The following DLGAP4 variants were observed in gnomAD, a reference collection of about 807,000 sequenced individuals.
DLGAP4 encodes disks large-associated protein 4.
In DLGAP4, 18 loss-of-function variants were observed where a neutral mutation model predicts 86.9. That is an observed-to-expected ratio of 0.21 (90% CI 0.14 to 0.31). DLGAP4 has a LOEUF of 0.31. Ranked by LOEUF, DLGAP4 falls within the 10% of genes least tolerant of loss-of-function variation. The pLI, the probability that DLGAP4 is intolerant of heterozygous loss-of-function variation, is 1.00. For synonymous variants in DLGAP4, 548 were observed against 574.3 expected, an observed-to-expected ratio of 0.95 and a Z score of 0.65; for missense variants, 1,085 against 1,362.6, an observed-to-expected ratio of 0.80 and a Z score of 3.21.
intron 2 of DLGAP4, among the ~76,000 whole-genome samples, chr20:36,409,869 T>TA (rs2032444108): frequency 6.7e-6 from 1 of 149,024 alleles, no homozygotes; most frequent in South Asian, 2.1e-4. Context: ...CCGTCTCTAC[T>TA]AAAAATACAA....
At chr20:36,453,934 CA>C (rs1194294335) in intron 7 of DLGAP4, among the ~76,000 whole-genome samples, 394 of 42,684 alleles carry the variant, frequency 9.2e-3, no homozygotes, top group Middle Eastern at 0.034. Flanking sequence ...ACTCTGTCTC[CA>C]AAAAAAAAAA....
chr20:36,322,607 A>G (rs570057956), intron 1 of DLGAP4, among the ~76,000 whole-genome samples: 1 of 152,272 alleles, frequency 6.6e-6, no homozygotes, highest in East Asian at 1.9e-4. Context: ...GTGCTTATAA[A>G]TGGTAGCTCA....
At chr20:36,367,503 A>AC (rs1253954319) in intron 2 of DLGAP4, among the ~76,000 whole-genome samples, 1 of 152,220 alleles carries the variant, frequency 6.6e-6, no homozygotes, top group Non-Finnish European at 1.5e-5. Context: ...CAGAGGAGTC[A>AC]GCCTCAGAGA....
At chr20:36,511,259 A>G (rs1274926663) in intron 10 of DLGAP4, among the ~76,000 whole-genome samples, 1 of 152,144 alleles carries the variant, frequency 6.6e-6, no homozygotes, top group Non-Finnish European at 1.5e-5. Flanking sequence ...CTGGAGCACA[A>G]TGGCATGATC....
At chr20:36,524,134 T>C (rs2037554893) in intron 10 of DLGAP4, 116 bp from the exon 11 acceptor site, 1 of 798,612 alleles carries the variant, frequency 1.3e-6, no homozygotes. Flanking sequence ...ACCACCGCCA[T>C]CATGAAATAA....
chr20:36,439,400 A>G (rs1431199575), intron 4 of DLGAP4, among the ~76,000 whole-genome samples: 1 of 152,150 alleles, frequency 6.6e-6, no homozygotes, highest in Non-Finnish European at 1.5e-5. Flanking sequence ...TGTAAGAAAG[A>G]TTGAAGGGCT....
intron 2 of DLGAP4, among the ~76,000 whole-genome samples, chr20:36,387,720 G>A (rs1870615131): frequency 6.6e-6 from 1 of 152,100 alleles, no homozygotes; most frequent in Non-Finnish European, 1.5e-5. Context: ...TCTATAGCTA[G>A]CCTATTGTCC....
chr20:36,457,592 G>A (rs569604990), intron 7 of DLGAP4, among the ~76,000 whole-genome samples: 1 of 151,704 alleles, frequency 6.6e-6, no homozygotes, highest in South Asian at 2.1e-4. Context: ...TGTTGGCCAG[G>A]CTGGTCTTGA....
chr20:36,425,125 T>C (rs894178574), intron 2 of DLGAP4, among the ~76,000 whole-genome samples: 1 of 152,136 alleles, frequency 6.6e-6, no homozygotes, highest in Non-Finnish European at 1.5e-5. Context: ...AGAAAAATAC[T>C]ACCAAAACCC....
chr20:36,357,132 A>G (rs2030356210), intron 1 of DLGAP4, among the ~76,000 whole-genome samples: 1 of 152,120 alleles, frequency 6.6e-6, no homozygotes, highest in African/African-American at 2.4e-5. Flanking sequence ...CTGGCACTGC[A>G]GGACCCTCGT....
intron 2 of DLGAP4, among the ~76,000 whole-genome samples, chr20:36,388,461 A>G (rs933380374): frequency 2.0e-5 from 3 of 151,920 alleles, no homozygotes; most frequent in African/African-American, 7.3e-5. Context: ...CCCTTCATTG[A>G]CCTCAGAGAG....
At chr20:36,347,169 GC>G (rs1265054350) in intron 1 of DLGAP4, among the ~76,000 whole-genome samples, 2 of 152,172 alleles carry the variant, frequency 1.3e-5, no homozygotes, top group Admixed American at 6.5e-5. Context: ...CTCAAGGAAG[GC>G]TGAGGATGGT....
chr20:36,498,282 C>A lies in DLGAP4; in HGVS notation c.2010+1216C>A, dbSNP rs568080562. ...GAGAGTTGGCCAGGAGACTCTGCTG[C>A]TGTTTTCTGGGCTTCTTAAGTGTCC... On this transcript the variant is annotated intron_variant, in intron 8 of 12. Transcript: ENST00000339266. 2.0e-5 allele frequency: 3 copies of A among 152,364 alleles called. No individual in the cohort carries two copies. In the South Asian group the frequency reaches 6.2e-4, roughly 32 times the overall value. 9.4% of individuals were successfully genotyped at this position (152,364 alleles called of 1,614,324 possible). A position where few individuals can be genotyped will look rare whatever the true frequency, so the allele number is the denominator to read the frequency against.
chr20:36,453,147 G>A (rs1204329899), intron 7 of DLGAP4, among the ~76,000 whole-genome samples: 2 of 152,056 alleles, frequency 1.3e-5, no homozygotes, highest in Non-Finnish European at 2.9e-5. Flanking sequence ...TGTCTTGTAA[G>A]TCCTTAACAA....
At chr20:36,489,614 T>A (rs2035569731) in intron 7 of DLGAP4, among the ~76,000 whole-genome samples, 1 of 152,046 alleles carries the variant, frequency 6.6e-6, no homozygotes, top group African/African-American at 2.4e-5. Flanking sequence ...AACAGTGACA[T>A]GATTGGATTC....
chr20:36,437,360 A>T (rs144707585), intron 4 of DLGAP4, among the ~76,000 whole-genome samples: 5 of 152,280 alleles, frequency 3.3e-5, no homozygotes, highest in African/African-American at 1.2e-4. Flanking sequence ...CCACATCCCC[A>T]GGTAAGTTCC....
intron 4 of DLGAP4, among the ~76,000 whole-genome samples, chr20:36,439,252 G>A (rs1251498274): frequency 6.6e-6 from 1 of 152,130 alleles, no homozygotes; most frequent in Admixed American, 6.5e-5. Context: ...TTAAGTAAGG[G>A]GTAATGACTT....
intron 1 of DLGAP4, among the ~76,000 whole-genome samples, chr20:36,326,485 C>A (rs529291254): frequency 6.6e-6 from 1 of 152,290 alleles, no homozygotes; most frequent in African/African-American, 2.4e-5. Context: ...ATCACAATAG[C>A]ATACTTCCAT....
At chr20:36,489,920 G>A (rs971419806) in intron 7 of DLGAP4, among the ~76,000 whole-genome samples, 5 of 145,150 alleles carry the variant, frequency 3.4e-5, no homozygotes, top group Admixed American at 7.0e-5. Flanking sequence ...GTGCAGTGGC[G>A]CAATCCTGGC....
Sources: allele counts gnomAD v4.1 joint callset (sites outside exome capture counted in the v4.1 genomes callset), GRCh38; gene constraint gnomAD v4.1.1; transcripts MANE v1.5; gene names NCBI Gene and HGNC (gene_info 2026-07-23, HGNC 2026-07-21).